The following PRKAG2 variants were observed in gnomAD, a reference collection of about 807,000 sequenced individuals.
PRKAG2 encodes 5'-AMP-activated protein kinase subunit gamma-2.
Under a neutral mutation model 69.6 loss-of-function variants are expected in PRKAG2, and 26 were observed. That is an observed-to-expected ratio of 0.37 (90% CI 0.27 to 0.52). PRKAG2 has a LOEUF of 0.52. PRKAG2 is among the 20% of genes least tolerant of loss of function. The pLI, the probability that PRKAG2 is intolerant of heterozygous loss-of-function variation, is 0.90. For missense variants in PRKAG2, 557 were observed against 740.0 expected (o/e 0.75, Z 2.87); for synonymous variants, 293 against 285.0 (o/e 1.03, Z -0.28).
intron 3 of PRKAG2, among the ~76,000 whole-genome samples, chr7:151,707,851 C>T (rs1348387381): frequency 6.6e-6 from 1 of 152,242 alleles, no homozygotes; most frequent in Non-Finnish European, 1.5e-5. Flanking sequence ...CCGGGGCCAC[C>T]GGGGCCAAAG....
chr7:151,659,765 GATA>G (rs1830036580), intron 4 of PRKAG2, among the ~76,000 whole-genome samples: 2 of 152,230 alleles, frequency 1.3e-5, no homozygotes, highest in South Asian at 4.1e-4. Flanking sequence ...TTAGTTTGAA[GATA>G]ATGTCTTTGA....
At chr7:151,750,816 G>T (rs759289375) in intron 3 of PRKAG2, among the ~76,000 whole-genome samples, 18 of 151,846 alleles carry the variant, frequency 1.2e-4, no homozygotes, top group Non-Finnish European at 2.5e-4. Context: ...AGGAGGCAGA[G>T]GTTGCAGTGA....
In PRKAG2 at chr7:151,567,659, T is replaced by C. The variant is rs1172166423; in HGVS notation, c.1233+1057A>G. Among the ~76,000 whole-genome samples the C allele has an allele frequency of 6.6e-6, 1 of 152,218 alleles. No homozygotes were observed. The highest frequency in any genetic ancestry group is 2.4e-5 in the African/African-American group (1 of 41,466). On this transcript the variant is annotated intron_variant, in intron 11 of 15. Coordinates refer to ENST00000287878, the MANE Select transcript of PRKAG2 (RefSeq NM_016203.4). The surrounding 1 kb of genome is among the most constrained non-coding windows in gnomAD (Gnocchi z 4.2). ...TTATCGCCTTTATTAAACTTCAGACTTGAGTTTTTTTGTAAATTACTCTTC... is the reference window on the plus strand; with the variant it reads ...TTATCGCCTTTATTAAACTTCAGACCTGAGTTTTTTTGTAAATTACTCTTC...
rs76432253 is a variant in PRKAG2 at position 151,656,630 on chromosome 7, A to G, written c.684+18790T>C. ...TTAATCCAACAATATATTTAGCTAAACATAAACCTTTGAAGGATTGAATCC... is the reference window on the plus strand; with the variant it reads ...TTAATCCAACAATATATTTAGCTAAGCATAAACCTTTGAAGGATTGAATCC... On this transcript the variant is annotated intron_variant, in intron 4 of 15. Transcript: ENST00000287878. Among the ~76,000 whole-genome samples the G allele has an allele frequency of 5.1e-3, 782 of 152,340 alleles. 7 individuals carry two copies. The highest frequency in any genetic ancestry group is 0.018 in the African/African-American group (752 of 41,586).
At chr7:151,737,344 T>TAAAAA (rs576477445) in intron 3 of PRKAG2, among the ~76,000 whole-genome samples, 4,287 of 143,100 alleles carry the variant, frequency 0.03, 201 homozygotes, top group African/African-American at 0.098. Context: ...CCATCTCTAT[T>TAAAAA]AAAAAAAAAA....
At chr7:151,680,055 AAACAC>A (rs1833607680) in intron 3 of PRKAG2, among the ~76,000 whole-genome samples, 1 of 152,304 alleles carries the variant, frequency 6.6e-6, no homozygotes, top group African/African-American at 2.4e-5. Flanking sequence ...CTATCTCACA[AAACAC>A]AACACAACAA....
rs572723173 is a variant in PRKAG2, at chr7:151,778,915, ACACATACATATATG to A, written c.466+2223_466+2236del. On this transcript the variant is annotated intron_variant, in intron 3 of 15. Transcript: ENST00000287878. ...ATAAAAAAGGTATATATGTGTGTAC[ACACATACATATATG>A]CACATACATACACACATACATCTAT... 2.5e-3 allele frequency among the ~76,000 whole-genome samples: 376 copies of A among 152,306 alleles called. 5 individuals are homozygous for A. Among genetic ancestry groups the A allele is most frequent in the African/African-American group, 8.7e-3 (360 of 41,540 alleles).
intron 6 of PRKAG2, among the ~76,000 whole-genome samples, chr7:151,593,219 G>A (rs1813667464): frequency 6.6e-6 from 1 of 152,138 alleles, no homozygotes; most frequent in African/African-American, 2.4e-5. Context: ...TTGGAGTCTT[G>A]CTCTGTCATC....
chr7:151,659,802 G>A (rs1563364538), intron 4 of PRKAG2, among the ~76,000 whole-genome samples: 1 of 152,228 alleles, frequency 6.6e-6, no homozygotes, highest in Non-Finnish European at 1.5e-5. Context: ...GAGGGCTATA[G>A]ATAGCCTCTT....
intron 4 of PRKAG2, among the ~76,000 whole-genome samples, chr7:151,653,455 C>G (rs1040143732): frequency 6.6e-6 from 1 of 152,074 alleles, no homozygotes; most frequent in East Asian, 1.9e-4. Flanking sequence ...ATACGACAAC[C>G]TGGATAACCT....
chr7:151,744,770 G>A (rs2074159898), intron 3 of PRKAG2, among the ~76,000 whole-genome samples: 1 of 152,116 alleles, frequency 6.6e-6, no homozygotes, highest in Non-Finnish European at 1.5e-5. Flanking sequence ...AGGCCTGGGA[G>A]CACCGCGCAG....
intron 5 of PRKAG2, among the ~76,000 whole-genome samples, chr7:151,618,008 A>G (rs1820582574): frequency 6.6e-6 from 1 of 152,184 alleles, no homozygotes; most frequent in Non-Finnish European, 1.5e-5. Context: ...AGTCAAAAGT[A>G]TATGGAAGAG....
At chr7:151,774,747 C>T (rs1374795272) in intron 3 of PRKAG2, among the ~76,000 whole-genome samples, 3 of 152,130 alleles carry the variant, frequency 2.0e-5, no homozygotes, top group African/African-American at 7.2e-5. Context: ...GTGGAGGTTG[C>T]AGTGAGCCGA....
chr7:151,683,091 TCCCAGGGCGGCAGCCAGG>T (rs1834128972), intron 3 of PRKAG2, among the ~76,000 whole-genome samples: 1 of 152,206 alleles, frequency 6.6e-6, no homozygotes, highest in African/African-American at 2.4e-5. Flanking sequence ...CCTTTGATTC[TCCCAGGGCGGCAGCCAGG>T]CCCAGTGAAC....
At chr7:151,579,133 T>C (rs937339598) in intron 6 of PRKAG2, among the ~76,000 whole-genome samples, 5 of 152,186 alleles carry the variant, frequency 3.3e-5, no homozygotes, top group African/African-American at 1.2e-4. Context: ...CAAGTGATTC[T>C]CCCACCTCAG....
chr7:151,873,018 C>T (rs1042644171), intron 1 of PRKAG2, among the ~76,000 whole-genome samples: 8 of 152,204 alleles, frequency 5.3e-5, no homozygotes, highest in East Asian at 1.9e-4. Context: ...TATTGTATGG[C>T]GCATACCTAT....
At chr7:151,684,118 G>A (rs961619949) in intron 3 of PRKAG2, among the ~76,000 whole-genome samples, 7 of 152,186 alleles carry the variant, frequency 4.6e-5, no homozygotes, top group Non-Finnish European at 7.3e-5. Context: ...GCAGGCAACT[G>A]CAGGAGGCTG....
intron 4 of PRKAG2, among the ~76,000 whole-genome samples, chr7:151,636,671 G>T (rs989027166): frequency 6.6e-6 from 1 of 152,054 alleles, no homozygotes; most frequent in Non-Finnish European, 1.5e-5. Flanking sequence ...TGGAATTGCT[G>T]GGCCACAGGG....
intron 1 of PRKAG2, among the ~76,000 whole-genome samples, chr7:151,874,213 GTA>G (rs2080308216): frequency 7.7e-6 from 1 of 129,098 alleles, no homozygotes. Context: ...ATATGTATAT[GTA>G]TATGATGTAT....
Sources: gnomAD v4.1 joint callset for allele counts (sites outside exome capture counted in the v4.1 genomes callset) on GRCh38, gnomAD v4.1.1 for gene constraint, Gnocchi (gnomAD v3.1) non-coding constraint, MANE v1.5 for transcripts, NCBI Gene and HGNC (gene_info 2026-07-23, HGNC 2026-07-21) for gene names.